LINGO2: variants seen among roughly 807,000 people sequenced by gnomAD.
LINGO2 encodes the protein leucine-rich repeat and immunoglobulin-like domain-containing nogo receptor-interacting protein 2.
Under a neutral mutation model 30.6 loss-of-function variants are expected in LINGO2, and 14 were observed. The observed-to-expected ratio is 0.46, with a 90% CI of 0.30 to 0.72. LINGO2 has a LOEUF of 0.72. Among genes scored for constraint, LINGO2 ranks in the 30% least tolerant of loss-of-function variants. LINGO2 has a pLI of 0.07. For missense variants in LINGO2, 729 were observed against 751.7 expected, an observed-to-expected ratio of 0.97 and a Z score of 0.35; for synonymous variants, 317 against 288.5, an observed-to-expected ratio of 1.10 and a Z score of -1.00.
intron 3 of LINGO2, among the ~76,000 whole-genome samples, chr9:28,322,714 A>G (rs1347889422): frequency 6.6e-6 from 1 of 152,148 alleles, no homozygotes; most frequent in Non-Finnish European, 1.5e-5. Flanking sequence ...GGACGTAAAG[A>G]TGCTTTTCTA....
Position 28,646,286 on chromosome 9 carries a change from A to T in LINGO2, c.-365+23914T>A, listed in dbSNP as rs994445476. Among the ~76,000 whole-genome samples, 4 of 152,070 alleles carry T rather than the reference A, an allele frequency of 2.6e-5. No individual in the cohort carries two copies. The South Asian group carries it at 8.3e-4, about 31-fold the overall frequency. On this transcript the variant is annotated intron_variant, in intron 1 of 5. Transcript: ENST00000379992. ...CCAGAACTCTATATCTCTGTTATCC[A>T]TTGGCTGGAATCTCATTTGAAGCTA...
intron 4 of LINGO2, among the ~76,000 whole-genome samples, chr9:28,265,513 C>A (rs541502617): frequency 6.6e-6 from 1 of 151,910 alleles, no homozygotes; most frequent in Admixed American, 6.6e-5. Context: ...AGAATAGATA[C>A]AATTTAATAA....
chr9:28,684,218 TTCTC>T, the LINGO2 span, among the ~76,000 whole-genome samples: 1 of 136,306 alleles, frequency 7.3e-6, no homozygotes, highest in Non-Finnish European at 1.6e-5. Flanking sequence ...GATGGAGTCT[TTCTC>T]TGTCGCCCAG....
chr9:29,009,072 G>C, the LINGO2 span, among the ~76,000 whole-genome samples: 1 of 152,092 alleles, frequency 6.6e-6, no homozygotes, highest in South Asian at 2.1e-4. Flanking sequence ...TCCACAGCCA[G>C]TATCATACTG....
intron 3 of LINGO2, among the ~76,000 whole-genome samples, chr9:28,358,820 T>C (rs1820330660): frequency 6.6e-6 from 1 of 152,148 alleles, no homozygotes; most frequent in Non-Finnish European, 1.5e-5. Flanking sequence ...ACTTCCTTCT[T>C]AGTAGACAAC....
chr9:28,160,275 G>T lies in LINGO2; in HGVS notation c.-87+134933C>A, dbSNP rs149165170. Among the ~76,000 whole-genome samples, 6 of 152,278 alleles carry T rather than the reference G, an allele frequency of 3.9e-5. No individual in the cohort carries two copies. In the East Asian group the frequency reaches 1.2e-3, roughly 29 times the overall value. On this transcript the variant is annotated intron_variant, in intron 4 of 5. Coordinates refer to ENST00000379992, the Ensembl canonical transcript of LINGO2. ...AAGACCATCTTGTGTGATATCTTGA[G>T]AAAGAGCCTGAGCTTGCACTGATAT...
chr9:28,031,172 T>A (rs1485624633), intron 4 of LINGO2, among the ~76,000 whole-genome samples: 3 of 152,140 alleles, frequency 2.0e-5, no homozygotes, highest in Admixed American at 2.0e-4. Flanking sequence ...ACACTCATCT[T>A]CCTGGAGGCC....
At chr9:28,848,363 TTGTGTGTGTGTG>T in the LINGO2 span, among the ~76,000 whole-genome samples, 286 of 74,662 alleles carry the variant, frequency 3.8e-3, no homozygotes, top group Middle Eastern at 0.029. Context: ...TACACATATA[TTGTGTGTGTGTG>T]TGTGTGTGTG....
intron 1 of LINGO2, among the ~76,000 whole-genome samples, chr9:28,489,086 G>C (rs1476357995): frequency 6.6e-6 from 1 of 152,166 alleles, no homozygotes; most frequent in Non-Finnish European, 1.5e-5. Flanking sequence ...GATGCATATA[G>C]GGTAGAGGTG....
In LINGO2 at chr9:28,168,974, GT is replaced by G. The variant is rs1484374013; in HGVS notation, c.-87+126233del. ...TTACTGAACAGCTGGTCTGTGCCAG[GT>G]ACTATGTTAACTGCTTGATATATCT... On this transcript the variant is annotated intron_variant, in intron 4 of 5. Coordinates refer to ENST00000379992, the Ensembl canonical transcript of LINGO2. Among the ~76,000 whole-genome samples, 9 of 152,234 alleles carry G rather than the reference GT, an allele frequency of 5.9e-5. No homozygotes were observed. In the East Asian group the frequency reaches 1.7e-3, roughly 29 times the overall value.
the LINGO2 span, among the ~76,000 whole-genome samples, chr9:28,873,229 G>T: frequency 1.7e-3 from 259 of 151,770 alleles, no homozygotes; most frequent in Middle Eastern, 3.4e-3. Flanking sequence ...AATTAGTCAG[G>T]AGTGGTGGCG....
chr9:27,970,885 C>A (rs1820321237), intron 5 of LINGO2, among the ~76,000 whole-genome samples: 1 of 149,906 alleles, frequency 6.7e-6, no homozygotes, highest in African/African-American at 2.5e-5. Flanking sequence ...TTTTGAATAG[C>A]CATATCTGAG....
intron 2 of LINGO2, among the ~76,000 whole-genome samples, chr9:28,453,275 A>C (rs1302444629): frequency 2.0e-5 from 3 of 151,914 alleles, no homozygotes; most frequent in Non-Finnish European, 4.4e-5. Flanking sequence ...CAAAGAGATA[A>C]AATATAGTGA....
At chr9:28,118,287 A>G (rs191413831) in intron 4 of LINGO2, among the ~76,000 whole-genome samples, 1 of 152,276 alleles carries the variant, frequency 6.6e-6, no homozygotes, top group East Asian at 1.9e-4. Flanking sequence ...TTGAGTATGG[A>G]GAACTGAGAG....
intron 4 of LINGO2, among the ~76,000 whole-genome samples, chr9:28,185,395 A>T (rs1434872989): frequency 6.6e-6 from 1 of 152,174 alleles, no homozygotes; most frequent in East Asian, 1.9e-4. Context: ...TTCCTAGAAT[A>T]TTCATTCTGC....
the LINGO2 span, among the ~76,000 whole-genome samples, chr9:28,928,120 T>A: frequency 6.6e-6 from 1 of 152,260 alleles, no homozygotes; most frequent in Non-Finnish European, 1.5e-5. Flanking sequence ...ATTTCTTGTT[T>A]CACAAGCCAC....
chr9:28,223,276 G>T (rs931094879), intron 4 of LINGO2, among the ~76,000 whole-genome samples: 13 of 152,194 alleles, frequency 8.5e-5, no homozygotes, highest in Admixed American at 6.5e-5. Context: ...GCCTGGTAAG[G>T]CCTGCTCTCT....
intron 3 of LINGO2, among the ~76,000 whole-genome samples, chr9:28,326,856 G>C (rs961126198): frequency 6.6e-6 from 1 of 152,094 alleles, no homozygotes; most frequent in Non-Finnish European, 1.5e-5. Flanking sequence ...TGGTTACATG[G>C]TCACCCCTGG....
chr9:28,041,880 A>T (rs1824212428), intron 4 of LINGO2, among the ~76,000 whole-genome samples: 1 of 152,350 alleles, frequency 6.6e-6, no homozygotes, highest in African/African-American at 2.4e-5. Flanking sequence ...TTCAAAACCC[A>T]TGAACTACTT....
Sources: allele counts gnomAD v4.1 joint callset (sites outside exome capture counted in the v4.1 genomes callset), GRCh38; gene constraint gnomAD v4.1.1; transcripts MANE v1.5; gene names NCBI Gene and HGNC (gene_info 2026-07-23, HGNC 2026-07-21).